The following AKAP12 variants were observed in gnomAD, a reference collection of about 807,000 sequenced individuals.
AKAP12 encodes A-kinase anchoring protein 12, also known as A-kinase anchor protein 12.
Under a neutral mutation model 79.9 loss-of-function variants are expected in AKAP12, and 32 were observed. The ratio of observed to expected loss-of-function variants is 0.40; its 90% CI spans 0.30 to 0.54. The LOEUF (loss-of-function observed/expected upper bound fraction) is 0.54. Among genes scored for constraint, AKAP12 ranks in the 20% least tolerant of loss-of-function variants. The pLI is 0.48. For missense variants in AKAP12, 2,074 were observed against 2,177.0 expected, an observed-to-expected ratio of 0.95 and a Z score of 0.94; for synonymous variants, 808 against 857.0, an observed-to-expected ratio of 0.94 and a Z score of 1.00.
rs190503822 is a variant in AKAP12 at position 151,325,932 on chromosome 6, C to T, written c.319+20029C>T. On this transcript the variant is annotated intron_variant, in intron 3 of 4. Coordinates refer to ENST00000402676, the MANE Select transcript of AKAP12 (RefSeq NM_005100.4). ...TTTTGTCCTCCCTGGACGGCAGGCA[C>T]GGGGCACGAAAAGGGGCTTTCTTCC... is the stretch of plus-strand genomic sequence containing the variant. 5.3e-4 allele frequency: 861 copies of T among 1,613,932 alleles called. 2 individuals are homozygous for T. The highest frequency in any genetic ancestry group is 9.5e-4 in the Admixed American group (57 of 59,988).
At position 151,351,431 on chromosome 6, in the gene AKAP12, G is replaced by A. The variant is rs778819265; in HGVS notation, c.3040G>A (p.Asp1014Asn). The part of the protein sequence containing the change: ...SAVSQLTDSP[D>N]TTEEATPVQE... Reference sequence around the variant, plus strand: ...AGTCTCCCAGTTAACCGACTCCCCAGACACCACAGAGGAGGCCACTCCGGT... The same window carrying A: ...AGTCTCCCAGTTAACCGACTCCCCAAACACCACAGAGGAGGCCACTCCGGT... Residue 1014 changes from aspartate to asparagine, a missense_variant, in exon 4 of 5, where the codon GAC becomes AAC. Physicochemically the swap from Asp to Asn is conservative, Grantham distance 23. This residue lies in a region of AKAP12 where 1,428 missense variants were observed against 1,451.0 expected (regional missense o/e 0.98). Transcript: ENST00000402676. This position sits in a 1 kb window ranked among gnomAD's most constrained non-coding sequence, Gnocchi z 4.4. 5.0e-6 allele frequency: 8 copies of A among 1,614,200 alleles called. No individual in the cohort carries two copies. The highest frequency in any genetic ancestry group is 5.1e-6 in the Non-Finnish European group (6 of 1,180,044).
At chr6:151,339,038 A>G (rs1777884700) in intron 3 of AKAP12, among the ~76,000 whole-genome samples, 1 of 152,180 alleles carries the variant, frequency 6.6e-6, no homozygotes, top group South Asian at 2.1e-4. Flanking sequence ...GTGGGTGGGT[A>G]GGATTTATGC....
chr6:151,312,721 G>A (rs1464330527), intron 3 of AKAP12, among the ~76,000 whole-genome samples: 8 of 149,036 alleles, frequency 5.4e-5, no homozygotes, highest in Non-Finnish European at 1.0e-4. Flanking sequence ...GAATCCGGGA[G>A]CTGGAGGTTG....
At chr6:151,248,154 A>C (rs1797111618) in intron 2 of AKAP12, among the ~76,000 whole-genome samples, 2 of 152,182 alleles carry the variant, frequency 1.3e-5, no homozygotes, top group African/African-American at 4.8e-5. Context: ...CCTAATTCCC[A>C]AACCTGGTGG....
At chr6:151,286,426 C>T (rs1776505385) in intron 2 of AKAP12, among the ~76,000 whole-genome samples, 1 of 152,214 alleles carries the variant, frequency 6.6e-6, no homozygotes, top group South Asian at 2.1e-4. Flanking sequence ...AGGGAGGGGG[C>T]ATTTCCCAGA....
intron 2 of AKAP12, among the ~76,000 whole-genome samples, chr6:151,243,212 A>C (rs1797011196): frequency 6.6e-6 from 1 of 152,218 alleles, no homozygotes; most frequent in South Asian, 2.1e-4. Flanking sequence ...TGAGTTACTT[A>C]GGATTACATC....
intron 3 of AKAP12, chr6:151,341,693 A>T: frequency 8.1e-7 from 1 of 1,238,522 alleles, no homozygotes; most frequent in Non-Finnish European, 1.0e-6. Context: ...TGCAGTGAGT[A>T]GCACGTGCAC....
intron 2 of AKAP12, among the ~76,000 whole-genome samples, chr6:151,281,376 C>CATTTCTGT (rs1776403880): frequency 6.6e-6 from 1 of 152,172 alleles, no homozygotes; most frequent in Non-Finnish European, 1.5e-5. Context: ...TTGACTTTTG[C>CATTTCTGT]ATTTCTGTAA....
At chr6:151,279,737 G>C (rs917719984) in intron 2 of AKAP12, among the ~76,000 whole-genome samples, 6 of 151,980 alleles carry the variant, frequency 3.9e-5, no homozygotes, top group Middle Eastern at 3.4e-3. Flanking sequence ...CTAGCTACTG[G>C]GGGGAGGCTG....
intron 2 of AKAP12, among the ~76,000 whole-genome samples, chr6:151,302,304 C>T (rs1214015263): frequency 6.6e-6 from 1 of 152,120 alleles, no homozygotes; most frequent in African/African-American, 2.4e-5. Flanking sequence ...GCCACTGCGC[C>T]TGGTGTAACA....
At chr6:151,327,791 A>C (rs1176153558) in intron 3 of AKAP12, among the ~76,000 whole-genome samples, 1 of 152,176 alleles carries the variant, frequency 6.6e-6, no homozygotes, top group Non-Finnish European at 1.5e-5. Context: ...CTTTTCTTAC[A>C]ATGTGGGTGT....
chr6:151,269,179 T>A (rs1776126409), intron 2 of AKAP12, among the ~76,000 whole-genome samples: 1 of 151,980 alleles, frequency 6.6e-6, no homozygotes, highest in Middle Eastern at 3.2e-3. Context: ...TTTTTTAAAA[T>A]TTTGAGGCAG....
intron 3 of AKAP12, among the ~76,000 whole-genome samples, chr6:151,339,514 T>C (rs542450094): frequency 5.9e-5 from 9 of 151,674 alleles, no homozygotes; most frequent in Non-Finnish European, 1.2e-4. Context: ...CTGCATAGCC[T>C]CCCCCAACCC....
intron 2 of AKAP12, among the ~76,000 whole-genome samples, chr6:151,272,171 C>T (rs574311185): frequency 4.6e-5 from 7 of 151,920 alleles, no homozygotes; most frequent in Non-Finnish European, 8.8e-5. Flanking sequence ...GAGACTTCAG[C>T]TCTATAAAAA....
intron 3 of AKAP12, among the ~76,000 whole-genome samples, chr6:151,341,470 G>GA (rs1777943815): frequency 6.6e-6 from 1 of 152,212 alleles, no homozygotes; most frequent in Admixed American, 6.5e-5. Flanking sequence ...CCCCACTGGG[G>GA]CGGTCCGCAG....
At chr6:151,304,778 T>C (rs1028300032) in intron 2 of AKAP12, among the ~76,000 whole-genome samples, 4 of 151,742 alleles carry the variant, frequency 2.6e-5, no homozygotes, top group Non-Finnish European at 5.9e-5. Context: ...GGGGTTTCAC[T>C]ATGTTGGCCA....
chr6:151,240,983 A>T (rs867968458), intron 2 of AKAP12, among the ~76,000 whole-genome samples: 1 of 152,130 alleles, frequency 6.6e-6, no homozygotes, highest in Non-Finnish European at 1.5e-5. Flanking sequence ...GCCATGCGCA[A>T]TAATAAAACC....
Position 151,351,992 on chromosome 6 carries a change from G to A in AKAP12, c.3601G>A (p.Ala1201Thr), listed in dbSNP as rs1450465809. Reference sequence around the variant, plus strand: ...GGAAATCCATGAGGAGAATGAGGTCGCATCTGGTACCCAGTCAGGGGGCAC... The same window carrying A: ...GGAAATCCATGAGGAGAATGAGGTCACATCTGGTACCCAGTCAGGGGGCAC... Reference protein sequence around the residue: ...IVEIHEENEVASGTQSGGTEA... With the variant: ...IVEIHEENEVTSGTQSGGTEA... The change falls in exon 4 of 5, where the codon GCA becomes ACA. Residue 1201 changes from alanine to threonine, a missense_variant. This residue lies in a region of AKAP12 where 32 missense variants were observed against 60.4 expected (regional missense o/e 0.53). Coordinates refer to ENST00000402676, the MANE Select transcript of AKAP12 (RefSeq NM_005100.4). The surrounding 1 kb of genome is among the most constrained non-coding windows in gnomAD (Gnocchi z 4.4). The A allele has an allele frequency of 4.3e-6, 7 of 1,614,088 alleles. No homozygotes were observed. Among genetic ancestry groups the A allele is most frequent in the Admixed American group, 3.3e-5 (2 of 60,010 alleles).
chr6:151,347,615 T>C (rs1778134325), intron 3 of AKAP12, among the ~76,000 whole-genome samples: 1 of 152,268 alleles, frequency 6.6e-6, no homozygotes, highest in African/African-American at 2.4e-5. Context: ...TCTTTGAACC[T>C]GAATTTTTGA....
Sources: allele counts gnomAD v4.1 joint callset (sites outside exome capture counted in the v4.1 genomes callset), GRCh38; gene constraint gnomAD v4.1.1; regional missense constraint gnomAD v4.1.1; non-coding constraint Gnocchi (gnomAD v3.1); transcripts MANE v1.5; gene names NCBI Gene and HGNC (gene_info 2026-07-23, HGNC 2026-07-21).